The following SGIP1 variants were observed in gnomAD, a reference collection of about 807,000 sequenced individuals.
SGIP1 encodes SH3GL interacting endocytic adaptor 1.
Under a neutral mutation model 107.5 loss-of-function variants are expected in SGIP1, and 38 were observed. The ratio of observed to expected loss-of-function variants is 0.35; its 90% CI spans 0.27 to 0.46. SGIP1 has a LOEUF of 0.46. SGIP1 is among the 20% of genes least tolerant of loss of function. SGIP1 has a pLI of 1.00. For synonymous variants in SGIP1, 365 were observed against 366.1 expected, an observed-to-expected ratio of 1.00 and a Z score of 0.03; for missense variants, 929 against 1,019.5, an observed-to-expected ratio of 0.91 and a Z score of 1.21.
At chr1:66,564,094 A>G (rs966829092) in intron 1 of SGIP1, among the ~76,000 whole-genome samples, 5 of 152,136 alleles carry the variant, frequency 3.3e-5, no homozygotes, top group Admixed American at 3.3e-4. Flanking sequence ...CTTAGATTGA[A>G]GTTAGGAGTT....
intron 1 of SGIP1, among the ~76,000 whole-genome samples, chr1:66,553,445 G>A (rs2057729143): frequency 6.6e-6 from 1 of 152,030 alleles, no homozygotes; most frequent in African/African-American, 2.4e-5. Context: ...GGAGGCCAAG[G>A]TGGGTGGATC....
chr1:66,654,333 T>A (rs529814084), intron 7 of SGIP1, among the ~76,000 whole-genome samples: 3 of 152,238 alleles, frequency 2.0e-5, no homozygotes, highest in African/African-American at 7.2e-5. Context: ...TTTAAAAAAG[T>A]TTGTTAATGT....
intron 1 of SGIP1, among the ~76,000 whole-genome samples, chr1:66,604,746 G>A (rs2066505362): frequency 1.3e-5 from 2 of 152,348 alleles, no homozygotes; most frequent in Admixed American, 1.3e-4. Flanking sequence ...TTAACTGGTT[G>A]TTTGTACAGT....
chr1:66,681,670 A>G (rs1305422891), intron 14 of SGIP1, among the ~76,000 whole-genome samples, 199 bp from the exon 15 acceptor site: 2 of 151,914 alleles, frequency 1.3e-5, no homozygotes, highest in African/African-American at 2.4e-5. Context: ...TAGCATAAAA[A>G]TATGATGCTC....
chr1:66,619,959 T>C (rs1253355345), intron 1 of SGIP1, among the ~76,000 whole-genome samples: 5 of 152,226 alleles, frequency 3.3e-5, no homozygotes, highest in Non-Finnish European at 7.3e-5. Flanking sequence ...GAGACTTTGA[T>C]GTTTTACCTA....
At chr1:66,727,299 A>T (rs1329531644) in intron 19 of SGIP1, among the ~76,000 whole-genome samples, 1 of 152,258 alleles carries the variant, frequency 6.6e-6, no homozygotes, top group Non-Finnish European at 1.5e-5. Flanking sequence ...CACATAAAAG[A>T]TGCTGATGAT....
At chr1:66,683,205 C>T (rs1436824709) in intron 15 of SGIP1, among the ~76,000 whole-genome samples, 1 of 152,202 alleles carries the variant, frequency 6.6e-6, no homozygotes, top group Non-Finnish European at 1.5e-5. Flanking sequence ...CATCTTCCCC[C>T]ATATCATTTA....
intron 1 of SGIP1, 68 bp downstream of exon 1, chr1:66,534,436 T>C (rs1181967618): frequency 2.5e-6 from 4 of 1,573,756 alleles, no homozygotes; most frequent in Non-Finnish European, 3.5e-6. Context: ...TTAAAGAATA[T>C]GTGCAGCCAG....
At position 66,684,511 on chromosome 1, in the gene SGIP1, C is replaced by T. The variant is rs80104247; in HGVS notation, c.1315+2142C>T. Reference sequence around the variant, plus strand: ...CACAAACCCAAAGACATTACTCGTCCGTTATAAAAGAGGGGTGTGTACTTT... The same window carrying T: ...CACAAACCCAAAGACATTACTCGTCTGTTATAAAAGAGGGGTGTGTACTTT... On this transcript the variant is annotated intron_variant, in intron 15 of 24. Transcript: ENST00000371037. 4.4e-3 allele frequency among the ~76,000 whole-genome samples: 677 copies of T among 152,244 alleles called. 6 individuals carry two copies. Among genetic ancestry groups the T allele is most frequent in the African/African-American group, 0.013 (522 of 41,546 alleles).
intron 19 of SGIP1, among the ~76,000 whole-genome samples, chr1:66,725,910 A>T (rs2093731640): frequency 6.6e-6 from 1 of 152,186 alleles, no homozygotes; most frequent in Non-Finnish European, 1.5e-5. Context: ...ACTGCAGAAG[A>T]TGGCAGTGGA....
intron 8 of SGIP1, chr1:66,666,466 G>A (rs1238691095): frequency 6.3e-6 from 1 of 157,964 alleles, no homozygotes; most frequent in Non-Finnish European, 1.4e-5. Flanking sequence ...CTCTTTTTTG[G>A]TTCCATATGA....
intron 1 of SGIP1, among the ~76,000 whole-genome samples, chr1:66,591,132 G>T (rs928463951): frequency 2.0e-5 from 3 of 152,200 alleles, no homozygotes; most frequent in African/African-American, 7.2e-5. Flanking sequence ...TCTTACTGCA[G>T]GAGTGAGAAG....
chr1:66,695,268 A>AAAG (rs1553160603), intron 17 of SGIP1, 166 bp from the exon 18 acceptor site: 2 of 1,331,662 alleles, frequency 1.5e-6, no homozygotes, highest in Non-Finnish European at 2.0e-6. Flanking sequence ...AAAAAAAAAA[A>AAAG]AAAGTGTAGA....
chr1:66,602,628 C>G (rs2066073240), intron 1 of SGIP1, among the ~76,000 whole-genome samples: 1 of 150,858 alleles, frequency 6.6e-6, no homozygotes, highest in African/African-American at 2.4e-5. Flanking sequence ...TACCCTAGAA[C>G]TTAAAGTATA....
chr1:66,626,106 T>G, intron 2 of SGIP1, 196 bp downstream of exon 2: 3 of 342,832 alleles, frequency 8.8e-6, no homozygotes, highest in Non-Finnish European at 1.0e-5. Context: ...TTTCATCATG[T>G]GTTCAGTTTT....
At chr1:66,672,491 G>T (rs920322278) in intron 11 of SGIP1, among the ~76,000 whole-genome samples, 3 of 152,220 alleles carry the variant, frequency 2.0e-5, no homozygotes, top group South Asian at 2.1e-4. Flanking sequence ...TTTATAAAAA[G>T]ACTGCTATTT....
chr1:66,698,355 A>AGTAAAGATT (rs2150187673), intron 18 of SGIP1, among the ~76,000 whole-genome samples: 1 of 151,452 alleles, frequency 6.6e-6, no homozygotes, highest in East Asian at 1.9e-4. Flanking sequence ...GGAAAAAAAC[A>AGTAAAGATT]GTAAAGATTG....
chr1:66,545,628 T>TTTTGTGTGTG (rs2056201807), intron 1 of SGIP1, among the ~76,000 whole-genome samples: 2 of 138,942 alleles, frequency 1.4e-5, no homozygotes, highest in African/African-American at 5.4e-5. Context: ...ACTGAACAAA[T>TTTTGTGTGTG]TGTGTGTGTG....
At chr1:66,602,714 G>A (rs964835407) in intron 1 of SGIP1, among the ~76,000 whole-genome samples, 2 of 151,918 alleles carry the variant, frequency 1.3e-5, no homozygotes, top group African/African-American at 2.4e-5. Context: ...AGCCCTACAG[G>A]TGCAAGATAC....
Sources: gnomAD v4.1 joint callset for allele counts (sites outside exome capture counted in the v4.1 genomes callset) on GRCh38, gnomAD v4.1.1 for gene constraint, MANE v1.5 for transcripts, NCBI Gene and HGNC (gene_info 2026-07-23, HGNC 2026-07-21) for gene names.